FGF1: variants seen among roughly 807,000 people sequenced by gnomAD.
FGF1 encodes beta-endothelial cell growth factor.
A neutral mutation model predicts 13.4 loss-of-function variants in FGF1; 9 were observed. The ratio of observed to expected loss-of-function variants is 0.67; its 90% confidence interval spans 0.40 to 1.17. The LOEUF (loss-of-function observed/expected upper bound fraction) is 1.17. Ranked by LOEUF, FGF1 falls within the 50% of genes most tolerant of loss-of-function variation. The probability of loss-of-function intolerance (pLI) is 0.01; values close to 1 mark genes in which losing one functional copy is unlikely to be tolerated. For synonymous variants in FGF1, 93 were observed against 79.0 expected, an observed-to-expected ratio of 1.18 and a Z score of -0.94; for missense variants, 156 against 192.7, an observed-to-expected ratio of 0.81 and a Z score of 1.13.
intron 1 of FGF1, among the ~76,000 whole-genome samples, chr5:142,674,395 G>A (rs569549584): frequency 7.9e-5 from 12 of 152,304 alleles, no homozygotes; most frequent in Non-Finnish European, 1.5e-4. Flanking sequence ...ATGAAAGGAA[G>A]GGAGGCAGGG....
chr5:142,633,006 A>G (rs1479040109), intron 1 of FGF1, among the ~76,000 whole-genome samples: 1 of 147,690 alleles, frequency 6.8e-6, no homozygotes, highest in East Asian at 2.0e-4. Context: ...TGCAACCTCC[A>G]CCTCCCAAAT....
intron 1 of FGF1, among the ~76,000 whole-genome samples, chr5:142,675,117 C>G (rs535267380): frequency 6.6e-6 from 1 of 152,176 alleles, no homozygotes; most frequent in East Asian, 1.9e-4. Context: ...AACGCTCCCC[C>G]CTGCGCCGCA....
rs192793550 is a variant in FGF1, at chr5:142,606,663, T to C, written c.170-5858A>G. On this transcript the variant is annotated intron_variant, in intron 2 of 3. Transcript: ENST00000337706. ...AAGAACACAATACGTGTGTAGCTCA[T>C]GAATACATCTATAGTAAAATATAAA... is the stretch of plus-strand genomic sequence containing the variant. 3.9e-3 allele frequency among the ~76,000 whole-genome samples: 591 copies of C among 152,250 alleles called. 9 individuals carry two copies. The highest frequency in any genetic ancestry group is 3.4e-3 in the Non-Finnish European group (229 of 68,008).
intron 1 of FGF1, among the ~76,000 whole-genome samples, chr5:142,678,618 C>T (rs1404006439): frequency 6.6e-6 from 1 of 152,172 alleles, no homozygotes; most frequent in African/African-American, 2.4e-5. Context: ...ATGGGCTCTG[C>T]CTGGACTAAT....
chr5:142,639,035 G>A (rs1226243708), intron 1 of FGF1, among the ~76,000 whole-genome samples: 1 of 151,998 alleles, frequency 6.6e-6, no homozygotes, highest in South Asian at 2.1e-4. Flanking sequence ...TATTGGTGAG[G>A]ATGTGGAGAA....
At position 142,595,225 on chromosome 5, in the gene FGF1, T is replaced by C. The variant is rs1754999470; in HGVS notation, c.*65A>G. 7.2e-7 allele frequency: 1 copy of C among 1,390,678 alleles called. No individual in the cohort carries two copies. The highest frequency in any genetic ancestry group is 2.0e-5 in the Admixed American group (1 of 48,880). The allele number at this position is 1,390,678 out of a possible 1,614,324, so 86.1% of individuals were successfully genotyped here. A position where few individuals can be genotyped will look rare whatever the true frequency, so the allele number is the denominator to read the frequency against. ...CAGCCAATGGTCAAGGGAACATTTT[T>C]GGGTCAACCAGGTGAGGACCCCTCG... On this transcript the variant is annotated 3_prime_UTR_variant, in exon 4 of 4. Coordinates refer to ENST00000337706, the MANE Select transcript of FGF1 (RefSeq NM_000800.5).
chr5:142,620,832 A>G (rs1342322211), intron 1 of FGF1, among the ~76,000 whole-genome samples: 2 of 152,242 alleles, frequency 1.3e-5, no homozygotes, highest in Admixed American at 6.5e-5. Context: ...AAAATTGACC[A>G]TGTACCAGGT....
rs144679801 is a variant in FGF1, at chr5:142,679,366, C to T, written c.-35+6591G>A. Among the ~76,000 whole-genome samples the T allele has an allele frequency of 1.1e-3, 175 of 152,352 alleles. 2 individuals carry two copies. Among genetic ancestry groups the T allele is most frequent in the African/African-American group, 3.9e-3 (162 of 41,588 alleles). On this transcript the variant is annotated intron_variant, in intron 1 of 3. Coordinates refer to ENST00000337706, the MANE Select transcript of FGF1 (RefSeq NM_000800.5). ...ATCCGTCAGACCTCAACCCAAGCCT[C>T]ACCTCCTCATGGAAGCTTTCCAGGA...
At chr5:142,665,294 C>A (rs556160155) in intron 1 of FGF1, among the ~76,000 whole-genome samples, 2 of 152,136 alleles carry the variant, frequency 1.3e-5, no homozygotes, top group South Asian at 2.1e-4. Flanking sequence ...TGCCCCTCGT[C>A]CACCCCCTTG....
At chr5:142,664,726 C>T (rs928700184) in intron 1 of FGF1, among the ~76,000 whole-genome samples, 4 of 152,188 alleles carry the variant, frequency 2.6e-5, no homozygotes, top group African/African-American at 9.7e-5. Flanking sequence ...GGGATTTCCT[C>T]TTCTAAGCTG....
In FGF1 at chr5:142,614,149, G is replaced by A. The variant is rs1250430516; in HGVS notation, c.-22C>T. 1 of 1,613,798 alleles carries A rather than the reference G, an allele frequency of 6.2e-7. No homozygotes were observed. Among genetic ancestry groups the A allele is most frequent in the African/African-American group, 1.3e-5 (1 of 75,038 alleles). On this transcript the variant is annotated 5_prime_UTR_variant, in exon 2 of 4. Coordinates refer to ENST00000337706, the MANE Select transcript of FGF1 (RefSeq NM_000800.5). ...CCATGGCTCAGCAGCTGCTGCTTGT[G>A]GCGCTTTCAAGACTGTAAGAAATTG...
Position 142,593,861 on chromosome 5 carries a change from G to A in FGF1, c.*1429C>T, listed in dbSNP as rs561907876. ...TCAGTATCATATGTTAGAGATGAAT[G>A]GTGTTTCTAATTTGCTAGCCACCTG... On this transcript the variant is annotated 3_prime_UTR_variant, in exon 4 of 4. Transcript: ENST00000337706. 3 of 152,712 alleles carry A rather than the reference G, an allele frequency of 2.0e-5. No individual in the cohort carries two copies. The highest frequency in any genetic ancestry group is 2.0e-4 in the Admixed American group (3 of 15,300). The allele number at this position is 152,712 out of a possible 1,614,324, so 9.5% of individuals were successfully genotyped here. A position where few individuals can be genotyped will look rare whatever the true frequency, so the allele number is the denominator to read the frequency against.
intron 1 of FGF1, among the ~76,000 whole-genome samples, chr5:142,646,651 C>T (rs899257643): frequency 2.6e-5 from 4 of 151,182 alleles, no homozygotes; most frequent in East Asian, 2.0e-4. Flanking sequence ...GCGCCTGGCC[C>T]CGGCTAATTT....
intron 1 of FGF1, among the ~76,000 whole-genome samples, chr5:142,624,991 G>A (rs908708553): frequency 6.6e-6 from 1 of 152,172 alleles, no homozygotes; most frequent in Non-Finnish European, 1.5e-5. Flanking sequence ...CACCACTGGA[G>A]TTGTTCCATA....
rs982971911 is a variant in FGF1, at chr5:142,614,150, G to A, written c.-23C>T. The A allele has an allele frequency of 1.2e-6, 2 of 1,613,736 alleles. No individual in the cohort carries two copies. Among genetic ancestry groups the A allele is most frequent in the East Asian group, 4.5e-5 (2 of 44,882 alleles). ...CATGGCTCAGCAGCTGCTGCTTGTG[G>A]CGCTTTCAAGACTGTAAGAAATTGA... On this transcript the variant is annotated 5_prime_UTR_variant, in exon 2 of 4. Transcript: ENST00000337706.
At chr5:142,638,084 T>G (rs1391178590) in intron 1 of FGF1, among the ~76,000 whole-genome samples, 5 of 151,962 alleles carry the variant, frequency 3.3e-5, no homozygotes, top group Non-Finnish European at 5.9e-5. Context: ...CCGGCAGAGC[T>G]TTCATTCCAG....
chr5:142,693,291 T>C (rs1343684920), intron 2 of FGF1, among the ~76,000 whole-genome samples: 3 of 152,018 alleles, frequency 2.0e-5, no homozygotes, highest in African/African-American at 7.2e-5. Context: ...ATTATTTATT[T>C]TTATTTTTTT....
At chr5:142,609,105 C>T (rs1051958254) in intron 2 of FGF1, among the ~76,000 whole-genome samples, 1 of 152,048 alleles carries the variant, frequency 6.6e-6, no homozygotes, top group African/African-American at 2.4e-5. Context: ...AGTCTGGACT[C>T]CCCTAAAGCA....
At chr5:142,678,859 C>T (rs1773153460) in intron 1 of FGF1, among the ~76,000 whole-genome samples, 1 of 152,188 alleles carries the variant, frequency 6.6e-6, no homozygotes, top group Admixed American at 6.5e-5. Flanking sequence ...CCTATTCAGA[C>T]CCTTCCCAGT....
Sources: gnomAD v4.1 joint callset for allele counts (sites outside exome capture counted in the v4.1 genomes callset) on GRCh38, gnomAD v4.1.1 for gene constraint, MANE v1.5 for transcripts, NCBI Gene and HGNC (gene_info 2026-07-23, HGNC 2026-07-21) for gene names.